Variants in TLCD4 observed in about 807,000 individuals in gnomAD.
The protein encoded by TLCD4 is TLC domain containing 4.
TLCD4 carries 7 observed loss-of-function variants against 24.2 expected under a neutral mutation model. The ratio of observed to expected loss-of-function variants is 0.29; its 90% CI spans 0.16 to 0.54. TLCD4 has a LOEUF of 0.54. Ranked by LOEUF, TLCD4 falls within the 20% of genes least tolerant of loss-of-function variation. The pLI is 0.95. For synonymous variants in TLCD4, 103 were observed against 106.4 expected, an observed-to-expected ratio of 0.97 and a Z score of 0.20; for missense variants, 259 against 313.9, an observed-to-expected ratio of 0.82 and a Z score of 1.32.
In TLCD4 at chr1:95,132,936, G is replaced by T. The variant is rs566233159; in HGVS notation, c.-11-10955G>T. Among the ~76,000 whole-genome samples, 3 of 152,250 alleles carry T rather than the reference G, an allele frequency of 2.0e-5. No homozygotes were observed. The South Asian group carries it at 6.2e-4, about 32-fold the overall frequency. On this transcript the variant is annotated intron_variant, in intron 1 of 6. Transcript: ENST00000370203. ...CACATAGCAGTCATTGTTAACCTTA[G>T]CAACAGCTATTCCAGGAGAGTGATG...
chr1:95,125,447 A>G (rs561603090), intron 1 of TLCD4: 19 of 152,324 alleles, frequency 1.2e-4, no homozygotes, highest in Non-Finnish European at 2.2e-4. Context: ...GGCAATGGCA[A>G]TCTTATGGGA....
chr1:95,141,700 A>G (rs969243691), intron 1 of TLCD4, among the ~76,000 whole-genome samples: 1 of 152,048 alleles, frequency 6.6e-6, no homozygotes, highest in Non-Finnish European at 1.5e-5. Flanking sequence ...TTAATACCCA[A>G]TAAACATATG....
intron 5 of TLCD4, among the ~76,000 whole-genome samples, chr1:95,157,386 A>G (rs1677664090): frequency 1.3e-5 from 2 of 152,190 alleles, no homozygotes; most frequent in South Asian, 2.1e-4. Context: ...GGTTCTGGCA[A>G]TCTTGGGTCA....
At chr1:95,177,263 C>G (rs1295592831) in intron 6 of TLCD4, among the ~76,000 whole-genome samples, 1 of 152,012 alleles carries the variant, frequency 6.6e-6, no homozygotes, top group Non-Finnish European at 1.5e-5. Context: ...CTGTTTTCTC[C>G]CCATCTTTGA....
intron 1 of TLCD4, among the ~76,000 whole-genome samples, chr1:95,142,067 C>T (rs1181806040): frequency 6.7e-6 from 1 of 148,416 alleles, no homozygotes; most frequent in Non-Finnish European, 1.5e-5. Context: ...TGAGAATCAG[C>T]TTTATCAAAG....
chr1:95,178,165 T>G (rs1315310103), intron 6 of TLCD4, among the ~76,000 whole-genome samples: 1 of 152,056 alleles, frequency 6.6e-6, no homozygotes, highest in Non-Finnish European at 1.5e-5. Flanking sequence ...CAGGCTGGTC[T>G]TGAACTCCTG....
intron 1 of TLCD4, among the ~76,000 whole-genome samples, chr1:95,143,099 C>T (rs115384229): frequency 0.017 from 2,656 of 152,072 alleles, 85 homozygotes; most frequent in African/African-American, 0.061. Context: ...CCTATGTAAA[C>T]GTCTGATTGG....
intron 5 of TLCD4, chr1:95,163,776 C>G (rs1409757274): frequency 6.5e-6 from 1 of 153,014 alleles, no homozygotes; most frequent in African/African-American, 2.4e-5. Flanking sequence ...CACTCCAGAC[C>G]TTGTTTGCCT....
intron 2 of TLCD4, among the ~76,000 whole-genome samples, chr1:95,146,078 A>C (rs1677337504): frequency 6.6e-6 from 1 of 152,126 alleles, no homozygotes; most frequent in African/African-American, 2.4e-5. Context: ...AGTTTGAAAC[A>C]TACAGGTAAA....
intron 6 of TLCD4, among the ~76,000 whole-genome samples, chr1:95,177,956 T>A (rs1366549635): frequency 2.0e-5 from 3 of 150,100 alleles, no homozygotes; most frequent in Non-Finnish European, 4.4e-5. Flanking sequence ...TTTTTGTTTT[T>A]TTTTGTTTTT....
intron 5 of TLCD4, among the ~76,000 whole-genome samples, chr1:95,167,058 C>G (rs1049706882): frequency 1.3e-5 from 2 of 151,368 alleles, no homozygotes; most frequent in Non-Finnish European, 3.0e-5. Context: ...TGAGTGCCTT[C>G]TCTTTTGAGT....
chr1:95,136,587 A>G lies in TLCD4; in HGVS notation c.-11-7304A>G, dbSNP rs186700522. On this transcript the variant is annotated intron_variant, in intron 1 of 6. Coordinates refer to ENST00000370203, the MANE Select transcript of TLCD4 (RefSeq NM_152487.3). ...TATAAAATATCAAGAGATATTTCTC[A>G]ATTCTACTTTGGATCATTAATTTAC... Among the ~76,000 whole-genome samples, 757 of 152,306 alleles carry G rather than the reference A, an allele frequency of 5.0e-3. 3 individuals are homozygous for G. The highest frequency in any genetic ancestry group is 8.6e-3 in the Admixed American group (131 of 15,300).
intron 5 of TLCD4, among the ~76,000 whole-genome samples, chr1:95,167,661 C>A (rs986565384): frequency 5.3e-5 from 8 of 152,122 alleles, no homozygotes; most frequent in Non-Finnish European, 1.2e-4. Context: ...AGGCTCCTGG[C>A]TCTGGAATGT....
the TLCD4 span, among the ~76,000 whole-genome samples, chr1:95,100,712 T>G: frequency 2.0e-5 from 3 of 152,380 alleles, no homozygotes; most frequent in Non-Finnish European, 4.4e-5. Context: ...TTTTCAGATT[T>G]GCTTAAAAAC....
At chr1:95,126,478 G>C (rs1390620810) in intron 1 of TLCD4, among the ~76,000 whole-genome samples, 1 of 150,686 alleles carries the variant, frequency 6.6e-6, no homozygotes, top group Non-Finnish European at 1.5e-5. Context: ...ATTCTTTATT[G>C]AGTCGTCTTT....
intron 5 of TLCD4, among the ~76,000 whole-genome samples, chr1:95,167,408 G>T (rs1301399627): frequency 6.6e-6 from 1 of 152,162 alleles, no homozygotes; most frequent in Admixed American, 6.5e-5. Context: ...TGGAAATTCT[G>T]TCAGCATTGG....
Position 95,151,430 on chromosome 1 carries a change from G to C in TLCD4, c.399+11G>C, listed in dbSNP as rs1397531667. 2 of 1,609,678 alleles carry C rather than the reference G, an allele frequency of 1.2e-6. No individual in the cohort carries two copies. Among genetic ancestry groups the C allele is most frequent in the Non-Finnish European group, 8.5e-7 (1 of 1,177,898 alleles). On this transcript the variant is annotated intron_variant, in intron 5 of 6. Coordinates refer to ENST00000370203, the MANE Select transcript of TLCD4 (RefSeq NM_152487.3). Reference sequence around the variant, plus strand: ...TACTACCTTGTACTGGTGAGTTCCAGGATTTTCTGTAGCCTAACTAGCAGA... The same window carrying C: ...TACTACCTTGTACTGGTGAGTTCCACGATTTTCTGTAGCCTAACTAGCAGA...
chr1:95,185,240 G>A (rs1336435), intron 6 of TLCD4, among the ~76,000 whole-genome samples: 46,536 of 151,860 alleles, frequency 0.31, 8,253 homozygotes, highest in East Asian at 0.62. Context: ...AATTGAGCAC[G>A]TTGGTAAAAG....
At chr1:95,103,298 G>A in the TLCD4 span, among the ~76,000 whole-genome samples, 2 of 152,034 alleles carry the variant, frequency 1.3e-5, no homozygotes, top group African/African-American at 4.8e-5. Flanking sequence ...ACTTTAGGTA[G>A]GCAGTGAAAC....
Sources: gnomAD v4.1 joint callset for allele counts (sites outside exome capture counted in the v4.1 genomes callset) on GRCh38, gnomAD v4.1.1 for gene constraint, MANE v1.5 for transcripts, NCBI Gene and HGNC (gene_info 2026-07-23, HGNC 2026-07-21) for gene names.